Variants in PDE3B observed in about 807,000 individuals in gnomAD.
PDE3B encodes the protein cGMP-inhibited 3',5'-cyclic phosphodiesterase 3B.
PDE3B carries 66 observed loss-of-function variants against 116.8 expected under a neutral mutation model. The observed-to-expected ratio is 0.56, with a 90% CI of 0.46 to 0.69. PDE3B has a LOEUF of 0.69. Ranked by LOEUF, PDE3B falls within the 30% of genes least tolerant of loss-of-function variation. The probability of loss-of-function intolerance (pLI) is 0.00; values close to 1 mark genes in which losing one functional copy is unlikely to be tolerated. For missense variants in PDE3B, 1,384 were observed against 1,368.1 expected (o/e 1.01, Z -0.18); for synonymous variants, 595 against 533.6 (o/e 1.12, Z -1.59).
At chr11:14,888,907 G>A in the PDE3B span, among the ~76,000 whole-genome samples, 2 of 152,150 alleles carry the variant, frequency 1.3e-5, no homozygotes, top group East Asian at 3.8e-4. Flanking sequence ...GGCTTTCCTA[G>A]CCAGGGAATG....
At chr11:14,790,673 T>TATA (rs1565138527) in intron 4 of PDE3B, among the ~76,000 whole-genome samples, 2 of 152,106 alleles carry the variant, frequency 1.3e-5, no homozygotes, top group African/African-American at 4.8e-5. Context: ...TGTAGTGACT[T>TATA]AACTCATTAA....
At chr11:14,837,171 T>A (rs1860083604) in intron 11 of PDE3B, among the ~76,000 whole-genome samples, 2 of 152,206 alleles carry the variant, frequency 1.3e-5, no homozygotes, top group African/African-American at 4.8e-5. Context: ...GACCCTGACC[T>A]TTTGATCTTT....
At chr11:14,781,633 A>G (rs1468935668) in intron 2 of PDE3B, among the ~76,000 whole-genome samples, 3 of 152,206 alleles carry the variant, frequency 2.0e-5, no homozygotes, top group Non-Finnish European at 4.4e-5. Flanking sequence ...AAAACTCTCA[A>G]TAAATTAGGT....
At chr11:14,692,605 C>A (rs371468996) in intron 1 of PDE3B, among the ~76,000 whole-genome samples, 44 of 152,056 alleles carry the variant, frequency 2.9e-4, no homozygotes, top group Non-Finnish European at 5.9e-4. Context: ...TTGTGATCAG[C>A]GATCTTTGAT....
intron 1 of PDE3B, among the ~76,000 whole-genome samples, chr11:14,769,036 G>T (rs141214463): frequency 1.5e-3 from 226 of 151,366 alleles, no homozygotes; most frequent in East Asian, 8.2e-3. Context: ...AATATGAAGG[G>T]GATTTCACAG....
rs931204096 is a variant in PDE3B, at chr11:14,867,418, T to A, written c.2887-88T>A. ...ATATTTTGATATAGATTGTTTATTT[T>A]AAAAAAACTCAAGATAATTTTAACA... is the stretch of plus-strand genomic sequence containing the variant. On this transcript the variant is annotated intron_variant, in intron 14 of 15. Transcript: ENST00000282096. 112 of 1,148,910 alleles carry A rather than the reference T, an allele frequency of 9.7e-5. 1 individual carries two copies. Among genetic ancestry groups the A allele is most frequent in the Non-Finnish European group, 1.2e-4 (101 of 810,310 alleles). 71.2% of individuals were successfully genotyped at this position (1,148,910 alleles called of 1,614,324 possible). A position where few individuals can be genotyped will look rare whatever the true frequency, so the allele number is the denominator to read the frequency against.
chr11:14,864,598 T>A (rs554358895), intron 14 of PDE3B, among the ~76,000 whole-genome samples: 1 of 152,078 alleles, frequency 6.6e-6, no homozygotes, highest in Admixed American at 6.5e-5. Context: ...TCATAAACAG[T>A]CTCTCAGACC....
chr11:14,809,380 A>C (rs1369872013), intron 5 of PDE3B, among the ~76,000 whole-genome samples: 1 of 152,252 alleles, frequency 6.6e-6, no homozygotes, highest in Non-Finnish European at 1.5e-5. Flanking sequence ...TTAACCATAC[A>C]GTAGAATATT....
intron 11 of PDE3B, among the ~76,000 whole-genome samples, chr11:14,837,416 G>C (rs189224605): frequency 3.9e-5 from 6 of 151,990 alleles, no homozygotes; most frequent in Non-Finnish European, 8.8e-5. Context: ...TCAATGCTTT[G>C]CTTGGAAATT....
chr11:14,666,221 G>A (rs1418273271), intron 1 of PDE3B, among the ~76,000 whole-genome samples: 6 of 148,506 alleles, frequency 4.0e-5, no homozygotes, highest in Non-Finnish European at 7.4e-5. Flanking sequence ...GGGAAAACTG[G>A]CTAGCCATAT....
intron 1 of PDE3B, among the ~76,000 whole-genome samples, chr11:14,679,149 C>T (rs1017028675): frequency 6.6e-6 from 1 of 151,930 alleles, no homozygotes; most frequent in African/African-American, 2.4e-5. Flanking sequence ...GTCTTGATTA[C>T]TAGAAAATTG....
At chr11:14,707,355 G>A (rs893377423) in intron 1 of PDE3B, among the ~76,000 whole-genome samples, 1 of 151,958 alleles carries the variant, frequency 6.6e-6, no homozygotes, top group African/African-American at 2.4e-5. Flanking sequence ...ATGGTAATTA[G>A]GTAGAAGACT....
chr11:14,877,608 C>T, the PDE3B span: 1 of 152,594 alleles, frequency 6.6e-6, no homozygotes, highest in Non-Finnish European at 1.5e-5. Flanking sequence ...ACATTAAATA[C>T]ATATTTCTTC....
At chr11:14,702,955 G>C (rs1274105772) in intron 1 of PDE3B, among the ~76,000 whole-genome samples, 4 of 151,826 alleles carry the variant, frequency 2.6e-5, no homozygotes, top group African/African-American at 9.7e-5. Flanking sequence ...TGTCATTTCT[G>C]CTACCTTACT....
At chr11:14,730,748 A>G (rs1856434591) in intron 1 of PDE3B, among the ~76,000 whole-genome samples, 1 of 152,206 alleles carries the variant, frequency 6.6e-6, no homozygotes, top group African/African-American at 2.4e-5. Context: ...CCCTAGATAT[A>G]TCCTTATCTT....
Position 14,804,017 on chromosome 11 carries a change from T to C in PDE3B, c.1489T>C (p.Ser497Pro). ...TIPKQRSSSV[S>P]LTHHVGLRRA... ...CCCGAAGCAAAGGTCATCTTCTGTA[T>C]CACTGACTCACCATGTAGGTCTCAG... is the stretch of plus-strand genomic sequence containing the variant. The change falls in exon 5 of 16, where the codon TCA (serine) becomes CCA (proline). Residue 497 changes from serine to proline, a missense_variant. Transcript: ENST00000282096. The C allele has an allele frequency of 6.2e-7, 1 of 1,608,870 alleles. No homozygotes were observed. Among genetic ancestry groups the C allele is most frequent in the South Asian group, 1.1e-5 (1 of 90,946 alleles).
In PDE3B at chr11:14,689,237, A is replaced by G. The variant is rs576757063; in HGVS notation, c.978+44184A>G. ...TCGCTGAGGGTTAAAATAAAGTTCA[A>G]AGTACTCCCAAGTATTATGGGAATT... On this transcript the variant is annotated intron_variant, in intron 1 of 15. Transcript: ENST00000282096. Among the ~76,000 whole-genome samples the G allele has an allele frequency of 3.3e-5, 5 of 152,312 alleles. No individual in the cohort carries two copies. The South Asian group carries it at 6.2e-4, about 19-fold the overall frequency.
At chr11:14,825,535 A>T (rs1450610846) in intron 7 of PDE3B, among the ~76,000 whole-genome samples, 1 of 152,218 alleles carries the variant, frequency 6.6e-6, no homozygotes, top group Non-Finnish European at 1.5e-5. Flanking sequence ...AGATCAAAAA[A>T]GGCAAAGAAG....
the PDE3B span, among the ~76,000 whole-genome samples, chr11:14,883,113 G>A: frequency 6.6e-6 from 1 of 152,132 alleles, no homozygotes; most frequent in South Asian, 2.1e-4. Flanking sequence ...ACTGCCCAAG[G>A]TAATTTATAG....
Sources: allele counts gnomAD v4.1 joint callset (sites outside exome capture counted in the v4.1 genomes callset), GRCh38; gene constraint gnomAD v4.1.1; transcripts MANE v1.5; gene names NCBI Gene and HGNC (gene_info 2026-07-23, HGNC 2026-07-21).